The following SRRM3 variants were observed in gnomAD, a reference collection of about 807,000 sequenced individuals.
SRRM3 encodes serine/arginine repetitive matrix protein 3.
Under a neutral mutation model 66.2 loss-of-function variants are expected in SRRM3, and 27 were observed. The ratio of observed to expected loss-of-function variants is 0.41; its 90% CI spans 0.30 to 0.56. The LOEUF (loss-of-function observed/expected upper bound fraction) is 0.56, where lower values mean the gene tolerates loss of function less well. Ranked by LOEUF, SRRM3 falls within the 20% of genes least tolerant of loss-of-function variation. The pLI is 0.32. For missense variants in SRRM3, 918 were observed against 991.9 expected, an observed-to-expected ratio of 0.93 and a Z score of 1.00; for synonymous variants, 391 against 414.9, an observed-to-expected ratio of 0.94 and a Z score of 0.70.
rs192990835 is a variant in SRRM3 at position 76,264,634 on chromosome 7, C to T, written c.675-131C>T. 1.7e-5 allele frequency: 15 copies of T among 897,678 alleles called. No individual in the cohort carries two copies. In the Admixed American group the frequency reaches 1.9e-4, roughly 12 times the overall value. The allele number at this position is 897,678 out of a possible 1,614,324, so 55.6% of individuals were successfully genotyped here. A position where few individuals can be genotyped will look rare whatever the true frequency, so the allele number is the denominator to read the frequency against. On this transcript the variant is annotated intron_variant, in intron 8 of 14. Coordinates refer to ENST00000611745, the MANE Select transcript of SRRM3 (RefSeq NM_001110199.3). ...GGGTGGAGTAGGATGGAAAAGTCCC[C>T]GCCAGCCATGGGGCTTAGGCCCTAG...
At chr7:76,281,979 G>A (rs1802527673) in intron 12 of SRRM3, among the ~76,000 whole-genome samples, 177 bp downstream of exon 12, 1 of 64,350 alleles carries the variant, frequency 1.6e-5, no homozygotes, top group African/African-American at 6.5e-5. Flanking sequence ...TACCCCCCAC[G>A]GATCCCAACC....
chr7:76,221,925 C>T (rs1800732442), intron 1 of SRRM3, among the ~76,000 whole-genome samples: 1 of 152,242 alleles, frequency 6.6e-6, no homozygotes, highest in Non-Finnish European at 1.5e-5. Flanking sequence ...GCACTGTACA[C>T]ACGTTATTCC....
At chr7:76,238,278 C>A (rs1023568990) in intron 2 of SRRM3, among the ~76,000 whole-genome samples, 2 of 150,272 alleles carry the variant, frequency 1.3e-5, no homozygotes, top group Non-Finnish European at 3.0e-5. Flanking sequence ...CCCAGCCAGT[C>A]CTCACAAAGT....
intron 11 of SRRM3, among the ~76,000 whole-genome samples, chr7:76,275,326 G>A (rs1554610966): frequency 6.6e-6 from 1 of 151,278 alleles, no homozygotes; most frequent in Admixed American, 6.6e-5. Flanking sequence ...GTGGCTCTTG[G>A]AAAGGAAGAA....
rs936572288 is a variant in SRRM3, at chr7:76,282,786, C to T, written c.1509C>T (p.Arg503=). 3 of 1,466,662 alleles carry T rather than the reference C, an allele frequency of 2.0e-6. No homozygotes were observed. Among genetic ancestry groups the T allele is most frequent in the Non-Finnish European group, 1.8e-6 (2 of 1,115,136 alleles). The allele number at this position is 1,466,662 out of a possible 1,614,324, so 90.9% of individuals were successfully genotyped here. A position where few individuals can be genotyped will look rare whatever the true frequency, so the allele number is the denominator to read the frequency against. The part of the protein sequence containing the change: ...GPHPRSWSSS[R]SPSKSRSRSA... The stretch of plus-strand genomic sequence containing the variant: ...ACCCCCGCTCCTGGAGCTCCAGCCG[C>T]TCGCCCTCCAAATCTCGCTCGCGCT... Residue 503 remains arginine, a synonymous_variant, in exon 13 of 15, where the codon CGC becomes CGT. Coordinates refer to ENST00000611745, the MANE Select transcript of SRRM3 (RefSeq NM_001110199.3).
rs782404148 is a variant in SRRM3, at chr7:76,260,044, C to T, written c.464+10C>T. ...GCCACCGCGGGTACAGGTCAGCGGC[C>T]GCCGCGGCGGGGGTGGGGGGCGCGC... On this transcript the variant is annotated intron_variant, in intron 4 of 14. Transcript: ENST00000611745. 1.3e-6 allele frequency: 2 copies of T among 1,514,742 alleles called. No homozygotes were observed. Among genetic ancestry groups the T allele is most frequent in the Admixed American group, 4.4e-5 (2 of 45,614 alleles). 93.8% of individuals were successfully genotyped at this position (1,514,742 alleles called of 1,614,324 possible). A position where few individuals can be genotyped will look rare whatever the true frequency, so the allele number is the denominator to read the frequency against.
At chr7:76,225,672 A>G (rs1800846972) in intron 1 of SRRM3, among the ~76,000 whole-genome samples, 2 of 152,112 alleles carry the variant, frequency 1.3e-5, no homozygotes, top group Admixed American at 1.3e-4. Context: ...CTTGAGGCCA[A>G]GAGTTTGAGA....
intron 11 of SRRM3, among the ~76,000 whole-genome samples, chr7:76,272,327 G>A (rs966924414): frequency 9.9e-5 from 15 of 152,242 alleles, no homozygotes; most frequent in Admixed American, 2.6e-4. Flanking sequence ...TTGGAAGGGC[G>A]AGGCACGAAG....
chr7:76,236,559 G>T (rs1387324681), intron 2 of SRRM3, among the ~76,000 whole-genome samples: 1 of 152,156 alleles, frequency 6.6e-6, no homozygotes, highest in Non-Finnish European at 1.5e-5. Context: ...CCTTAGACAG[G>T]GGCCACCATC....
At chr7:76,236,650 G>T (rs1801161257) in intron 2 of SRRM3, among the ~76,000 whole-genome samples, 1 of 152,228 alleles carries the variant, frequency 6.6e-6, no homozygotes. Flanking sequence ...GGGGGCCAAG[G>T]CGGAGCCAGG....
At chr7:76,238,978 T>C (rs1370286546) in intron 2 of SRRM3, among the ~76,000 whole-genome samples, 1 of 151,976 alleles carries the variant, frequency 6.6e-6, no homozygotes, top group Non-Finnish European at 1.5e-5. Flanking sequence ...CCTCTTCTTG[T>C]AAGGACTTGG....
At position 76,286,948 on chromosome 7, in the gene SRRM3, T is replaced by C. The variant is rs1167551612; in HGVS notation, c.*1105T>C. The C allele has an allele frequency of 2.6e-5, 4 of 152,672 alleles. No homozygotes were observed. Among genetic ancestry groups the C allele is most frequent in the African/African-American group, 7.2e-5 (3 of 41,438 alleles). 9.5% of individuals were successfully genotyped at this position (152,672 alleles called of 1,614,324 possible). Reference sequence around the variant, plus strand: ...GCTTTGGACCTGACAAGGGAGTACCTTGGGGGTCTGATGGGGTCATGGCCA... The same window carrying C: ...GCTTTGGACCTGACAAGGGAGTACCCTGGGGGTCTGATGGGGTCATGGCCA... On this transcript the variant is annotated 3_prime_UTR_variant, in exon 15 of 15. Coordinates refer to ENST00000611745, the MANE Select transcript of SRRM3 (RefSeq NM_001110199.3).
chr7:76,214,371 C>T (rs1187275171), intron 1 of SRRM3, among the ~76,000 whole-genome samples: 5 of 152,194 alleles, frequency 3.3e-5, no homozygotes. Flanking sequence ...CACCATCCCT[C>T]AGGAGCCGTG....
intron 2 of SRRM3, among the ~76,000 whole-genome samples, chr7:76,246,117 C>T (rs1045601785): frequency 5.3e-5 from 8 of 152,178 alleles, no homozygotes; most frequent in Non-Finnish European, 1.0e-4. Context: ...AGGTTTGGGA[C>T]AAATAAGCCT....
rs1554611939 is a variant in SRRM3 at position 76,281,749 on chromosome 7, C to T, written c.1317C>T (p.Pro439=). 2 of 1,351,566 alleles carry T rather than the reference C, an allele frequency of 1.5e-6. No homozygotes were observed. The highest frequency in any genetic ancestry group is 1.9e-6 in the Non-Finnish European group (2 of 1,050,082). The allele number at this position is 1,351,566 out of a possible 1,614,324, so 83.7% of individuals were successfully genotyped here. A position where few individuals can be genotyped will look rare whatever the true frequency, so the allele number is the denominator to read the frequency against. ...SSDSGSGRGA[P]GPGPEPGSER... ...ACTCCGGCAGCGGCCGCGGCGCCCC[C>T]GGCCCCGGGCCCGAGCCCGGCTCTG... Residue 439 remains proline, a synonymous_variant, in exon 12 of 15, where the codon CCC becomes CCT. Transcript: ENST00000611745.
chr7:76,216,858 G>A (rs1195584559), intron 1 of SRRM3, among the ~76,000 whole-genome samples: 2 of 152,204 alleles, frequency 1.3e-5, no homozygotes, highest in African/African-American at 4.8e-5. Context: ...CATCTGGATC[G>A]ATGGGAAAGT....
chr7:76,262,196 G>C (rs1006743967), intron 8 of SRRM3, among the ~76,000 whole-genome samples: 1 of 152,016 alleles, frequency 6.6e-6, no homozygotes, highest in African/African-American at 2.4e-5. Context: ...AGGAGAAGAG[G>C]GTTGCTGAGA....
intron 10 of SRRM3, among the ~76,000 whole-genome samples, chr7:76,266,494 A>T (rs1211624217): frequency 9.0e-6 from 1 of 111,384 alleles, no homozygotes; most frequent in Admixed American, 1.2e-4. Flanking sequence ...TTATATATTT[A>T]TATATTTAAT....
chr7:76,276,080 C>CAA (rs1265237301), intron 11 of SRRM3, among the ~76,000 whole-genome samples: 4 of 138,916 alleles, frequency 2.9e-5, no homozygotes, highest in Admixed American at 2.8e-4. Context: ...ACCCCCATCT[C>CAA]AAAAAATATA....
Sources: gnomAD v4.1 joint callset for allele counts (sites outside exome capture counted in the v4.1 genomes callset) on GRCh38, gnomAD v4.1.1 for gene constraint, MANE v1.5 for transcripts, NCBI Gene and HGNC (gene_info 2026-07-23, HGNC 2026-07-21) for gene names.